The following MSH4 variants were observed in gnomAD, a reference collection of about 807,000 sequenced individuals.
MSH4 encodes the protein mutS protein homolog 4.
In MSH4, 106 loss-of-function variants were observed where a neutral mutation model predicts 113.7. The ratio of observed to expected loss-of-function variants is 0.93; its 90% CI spans 0.80 to 1.10. The LOEUF (loss-of-function observed/expected upper bound fraction) is 1.10, where lower values mean the gene tolerates loss of function less well. Ranked by LOEUF, MSH4 falls within the 50% of genes least tolerant of loss-of-function variation. The probability of loss-of-function intolerance (pLI) is 0.00; values close to 1 mark genes in which losing one functional copy is unlikely to be tolerated. For synonymous variants in MSH4, 368 were observed against 380.2 expected (o/e 0.97, Z 0.37); for missense variants, 1,061 against 1,093.7 (o/e 0.97, Z 0.42).
At chr1:75,827,069 A>G (rs1042550346) in intron 7 of MSH4, among the ~76,000 whole-genome samples, 1 of 152,158 alleles carries the variant, frequency 6.6e-6, no homozygotes, top group Non-Finnish European at 1.5e-5. Context: ...AAAGGAAAAA[A>G]TGTTAAGGGA....
chr1:75,805,383 GTTT>G (rs35951661), intron 2 of MSH4, among the ~76,000 whole-genome samples: 87 of 124,230 alleles, frequency 7.0e-4, no homozygotes, highest in South Asian at 7.6e-4. Flanking sequence ...ACCATTTTTT[GTTT>G]TTTTTTTTTT....
At position 75,879,149 on chromosome 1, in the gene MSH4, G is replaced by A. The variant is rs778415755; in HGVS notation, c.1677+21G>A. Reference sequence around the variant, plus strand: ...TTAAGGTTCATTTTAGAGTGGTTAGGAAATTAGTGTTTCTGATTTTATAGA... The same window carrying A: ...TTAAGGTTCATTTTAGAGTGGTTAGAAAATTAGTGTTTCTGATTTTATAGA... On this transcript the variant is annotated intron_variant, in intron 12 of 19. Coordinates refer to ENST00000263187, the MANE Select transcript of MSH4 (RefSeq NM_002440.4). 5 of 1,597,776 alleles carry A rather than the reference G, an allele frequency of 3.1e-6. No individual in the cohort carries two copies. In the South Asian group the frequency reaches 5.6e-5, roughly 18 times the overall value.
intron 18 of MSH4, among the ~76,000 whole-genome samples, chr1:75,899,306 T>C (rs930544711): frequency 1.9e-4 from 29 of 152,184 alleles, no homozygotes; most frequent in Non-Finnish European, 3.8e-4. Flanking sequence ...TAACCAACTA[T>C]ATTTGCAAAT....
chr1:75,842,787 C>A (rs1650990008), intron 7 of MSH4, among the ~76,000 whole-genome samples: 1 of 152,136 alleles, frequency 6.6e-6, no homozygotes, highest in Admixed American at 6.5e-5. Context: ...AGGGAAAACA[C>A]CCGCTACTTA....
intron 16 of MSH4, among the ~76,000 whole-genome samples, chr1:75,889,726 G>A (rs922744924): frequency 6.6e-6 from 1 of 152,062 alleles, no homozygotes; most frequent in African/African-American, 2.4e-5. Flanking sequence ...AAAGATTACT[G>A]TGTTAGAAGG....
At chr1:75,843,083 CCTCT>C (rs998835417) in intron 7 of MSH4, among the ~76,000 whole-genome samples, 3 of 151,828 alleles carry the variant, frequency 2.0e-5, no homozygotes, top group Admixed American at 6.6e-5. Flanking sequence ...CTCTTTGTCT[CCTCT>C]CTCTCTCTGC....
At chr1:75,900,865 T>TA (rs952084901) in intron 19 of MSH4, among the ~76,000 whole-genome samples, 17 of 152,198 alleles carry the variant, frequency 1.1e-4, no homozygotes, top group African/African-American at 3.6e-4. Flanking sequence ...GAGTTCATCT[T>TA]ACCACATTTC....
chr1:75,899,499 A>T, intron 18 of MSH4, 119 bp from the exon 19 acceptor site: 1 of 512,628 alleles, frequency 2.0e-6, no homozygotes, highest in Non-Finnish European at 3.4e-6. Flanking sequence ...TGAGTAGTTC[A>T]GAAGTGCCTC....
intron 19 of MSH4, among the ~76,000 whole-genome samples, chr1:75,900,951 A>G (rs1397659624): frequency 1.3e-5 from 2 of 152,134 alleles, no homozygotes; most frequent in Non-Finnish European, 2.9e-5. Flanking sequence ...TATTCGAAAC[A>G]AGCTATTTTT....
At chr1:75,816,241 T>G in intron 5 of MSH4, 132 bp from the exon 6 acceptor site, 1 of 481,320 alleles carries the variant, frequency 2.1e-6, no homozygotes, top group Non-Finnish European at 3.4e-6. Flanking sequence ...TTCAAAAATA[T>G]GAAATACCTG....
chr1:75,839,006 A>G (rs961473559), intron 7 of MSH4, among the ~76,000 whole-genome samples: 11 of 152,136 alleles, frequency 7.2e-5, no homozygotes, highest in African/African-American at 2.7e-4. Context: ...ACAGTTTAAC[A>G]TATTTGTTAA....
chr1:75,870,772 C>A (rs1054834207), intron 9 of MSH4, among the ~76,000 whole-genome samples: 7 of 152,092 alleles, frequency 4.6e-5, no homozygotes, highest in African/African-American at 1.7e-4. Flanking sequence ...TCTTTCTTAG[C>A]AGCATGAGAA....
intron 14 of MSH4, among the ~76,000 whole-genome samples, chr1:75,883,013 A>ATTTT (rs200931353): frequency 6.7e-6 from 1 of 150,302 alleles, no homozygotes; most frequent in African/African-American, 2.4e-5. Context: ...TTTTATTTTT[A>ATTTT]TTTTTTTTTG....
chr1:75,854,650 ACAAC>A (rs1312532104), intron 8 of MSH4, among the ~76,000 whole-genome samples: 14 of 152,140 alleles, frequency 9.2e-5, no homozygotes, highest in Non-Finnish European at 4.4e-5. Flanking sequence ...TTGGGCCCTA[ACAAC>A]TGATACTACA....
chr1:75,796,889 T>C lies in MSH4; in HGVS notation c.-97T>C. ...GCAGCTTAGTGCGTCGGCGCGCAGT[T>C]CTCCCGCCCGTTTCAGCGGCGCAGC... On this transcript the variant is annotated 5_prime_UTR_variant, in exon 1 of 20. Coordinates refer to ENST00000263187, the MANE Select transcript of MSH4 (RefSeq NM_002440.4). 1 of 1,554,106 alleles carries C rather than the reference T, an allele frequency of 6.4e-7. No individual in the cohort carries two copies. Among genetic ancestry groups the C allele is most frequent in the African/African-American group, 1.4e-5 (1 of 73,614 alleles).
chr1:75,895,038 T>C (rs1652339667), intron 17 of MSH4, among the ~76,000 whole-genome samples: 1 of 152,142 alleles, frequency 6.6e-6, no homozygotes, highest in Non-Finnish European at 1.5e-5. Context: ...TTCCAGTTTC[T>C]ATAACCTTGC....
At chr1:75,819,577 A>G (rs1297322942) in intron 6 of MSH4, among the ~76,000 whole-genome samples, 3 of 152,246 alleles carry the variant, frequency 2.0e-5, no homozygotes, top group Admixed American at 2.0e-4. Flanking sequence ...TTATATGCCC[A>G]GTGTTTAGCA....
chr1:75,796,887 G>T lies in MSH4; in HGVS notation c.-99G>T. 3 of 1,549,934 alleles carry T rather than the reference G, an allele frequency of 1.9e-6. No homozygotes were observed. The highest frequency in any genetic ancestry group is 2.3e-5 in the East Asian group (1 of 44,394). On this transcript the variant is annotated 5_prime_UTR_variant, in exon 1 of 20. Transcript: ENST00000263187. The stretch of plus-strand genomic sequence containing the variant: ...GTGCAGCTTAGTGCGTCGGCGCGCA[G>T]TTCTCCCGCCCGTTTCAGCGGCGCA...
intron 2 of MSH4, 44 bp from the exon 3 acceptor site, chr1:75,806,937 T>C (rs772217221): frequency 2.0e-6 from 3 of 1,476,830 alleles, no homozygotes; most frequent in Non-Finnish European, 2.7e-6. Flanking sequence ...AAAGAAATGA[T>C]TATTATCAAT....
Sources: gnomAD v4.1 joint callset for allele counts (sites outside exome capture counted in the v4.1 genomes callset) on GRCh38, gnomAD v4.1.1 for gene constraint, MANE v1.5 for transcripts, NCBI Gene and HGNC (gene_info 2026-07-23, HGNC 2026-07-21) for gene names.